Variants in CNTN5 observed in about 807,000 individuals in gnomAD.
CNTN5 encodes the protein contactin-5.
In CNTN5, 77 loss-of-function variants were observed where a neutral mutation model predicts 129.1. The ratio of observed to expected loss-of-function variants is 0.60; its 90% CI spans 0.50 to 0.72. The LOEUF is 0.72. Ranked by LOEUF, CNTN5 falls within the 30% of genes least tolerant of loss-of-function variation. The pLI is 0.00. For missense variants in CNTN5, 1,478 were observed against 1,328.8 expected (o/e 1.11, Z -1.75); for synonymous variants, 509 against 465.6 (o/e 1.09, Z -1.20).
chr11:99,112,588 C>T (rs1038401746), intron 1 of CNTN5, among the ~76,000 whole-genome samples: 7 of 151,958 alleles, frequency 4.6e-5, no homozygotes, highest in Non-Finnish European at 7.4e-5. Context: ...ATGCATTTGC[C>T]ACTCGCCTGA....
chr11:99,733,126 C>A (rs373224400), intron 3 of CNTN5, among the ~76,000 whole-genome samples: 1 of 151,836 alleles, frequency 6.6e-6, no homozygotes, highest in Non-Finnish European at 1.5e-5. Flanking sequence ...GAGTTCGAGA[C>A]AAGCCCGGTC....
rs151111124 is a variant in CNTN5, at chr11:100,108,662, G to A, written c.1580+34368G>A. ...TGTTCTCATACATGCCCTCATTGAT[G>A]CTGCCAGTCCATATTTTTATAATAT... On this transcript the variant is annotated intron_variant, in intron 13 of 24. Coordinates refer to ENST00000524871, the MANE Select transcript of CNTN5 (RefSeq NM_014361.4). Among the ~76,000 whole-genome samples, 811 of 152,078 alleles carry A rather than the reference G, an allele frequency of 5.3e-3. 12 individuals are homozygous for A. Among genetic ancestry groups the A allele is most frequent in the African/African-American group, 0.018 (767 of 41,476 alleles).
At chr11:99,620,516 T>TC (rs1950911330) in intron 3 of CNTN5, among the ~76,000 whole-genome samples, 1 of 137,840 alleles carries the variant, frequency 7.3e-6, no homozygotes, top group Non-Finnish European at 1.7e-5. Context: ...TTCTTTTTTT[T>TC]TTTTTTCTTT....
At chr11:99,995,047 T>C (rs889604390) in intron 8 of CNTN5, among the ~76,000 whole-genome samples, 4 of 152,224 alleles carry the variant, frequency 2.6e-5, no homozygotes, top group Non-Finnish European at 4.4e-5. Context: ...GGTGACATAA[T>C]AGTGCTAACC....
intron 13 of CNTN5, among the ~76,000 whole-genome samples, chr11:100,180,017 C>A (rs1483189809): frequency 1.3e-5 from 2 of 151,902 alleles, no homozygotes; most frequent in Non-Finnish European, 2.9e-5. Flanking sequence ...AAAACTCTTC[C>A]AGAGATTTGA....
At chr11:99,747,694 G>C (rs1253328518) in intron 3 of CNTN5, among the ~76,000 whole-genome samples, 1 of 151,818 alleles carries the variant, frequency 6.6e-6, no homozygotes, top group South Asian at 2.1e-4. Context: ...AGGATGGTTC[G>C]ATCTCCTGAC....
At chr11:99,373,656 T>G (rs960117880) in intron 2 of CNTN5, among the ~76,000 whole-genome samples, 48 of 138,248 alleles carry the variant, frequency 3.5e-4, no homozygotes, top group African/African-American at 1.3e-3. Flanking sequence ...GAGGTTGTAG[T>G]GAGCTGAGAT....
At chr11:99,526,242 T>G (rs10750312) in intron 2 of CNTN5, among the ~76,000 whole-genome samples, 36,324 of 152,016 alleles carry the variant, frequency 0.24, 5,002 homozygotes, top group Non-Finnish European at 0.31. Flanking sequence ...AAGTAGTGTG[T>G]TTTTTCTTTA....
At chr11:100,321,443 G>C (rs903398371) in intron 21 of CNTN5, among the ~76,000 whole-genome samples, 4 of 151,868 alleles carry the variant, frequency 2.6e-5, no homozygotes, top group Non-Finnish European at 4.4e-5. Flanking sequence ...TCATTCCTAA[G>C]AGTTTTTTGG....
rs555477839 is a variant in CNTN5, at chr11:99,786,304, T to C, written c.56-33240T>C. Among the ~76,000 whole-genome samples the C allele has an allele frequency of 2.0e-5, 3 of 152,198 alleles. No individual in the cohort carries two copies. The South Asian group carries it at 6.2e-4, about 32-fold the overall frequency. ...CTAGGAATCCAACTTACAAGGGATGTGAAGGACCTCTTCAAGGAGAACTAC... is the reference window on the plus strand; with the variant it reads ...CTAGGAATCCAACTTACAAGGGATGCGAAGGACCTCTTCAAGGAGAACTAC... On this transcript the variant is annotated intron_variant, in intron 3 of 24. Coordinates refer to ENST00000524871, the MANE Select transcript of CNTN5 (RefSeq NM_014361.4).
intron 12 of CNTN5, among the ~76,000 whole-genome samples, chr11:100,073,586 A>C (rs1031174600): frequency 2.8e-4 from 42 of 152,024 alleles, no homozygotes; most frequent in Non-Finnish European, 5.3e-4. Flanking sequence ...AGTATTTATG[A>C]ATGAATGATC....
At chr11:99,245,601 G>A (rs1591411695) in intron 1 of CNTN5, among the ~76,000 whole-genome samples, 1 of 152,070 alleles carries the variant, frequency 6.6e-6, no homozygotes, top group Non-Finnish European at 1.5e-5. Flanking sequence ...AATTACAGGC[G>A]TGAGCCACAG....
intron 9 of CNTN5, among the ~76,000 whole-genome samples, chr11:100,023,120 A>G (rs895204526): frequency 6.6e-6 from 1 of 152,158 alleles, no homozygotes; most frequent in Non-Finnish European, 1.5e-5. Context: ...GGAAGCTACA[A>G]TTACACATAT....
intron 1 of CNTN5, among the ~76,000 whole-genome samples, chr11:99,230,611 C>A (rs2135727516): frequency 6.6e-6 from 1 of 152,222 alleles, no homozygotes; most frequent in South Asian, 2.1e-4. Context: ...TTTGAGACTG[C>A]AATAGCCTAT....
At chr11:99,298,730 C>T (rs76733339) in intron 1 of CNTN5, among the ~76,000 whole-genome samples, 1 of 151,780 alleles carries the variant, frequency 6.6e-6, no homozygotes, top group Non-Finnish European at 1.5e-5. Flanking sequence ...TGCCTAAATC[C>T]AGCCCAAAAA....
chr11:99,306,659 G>A lies in CNTN5; in HGVS notation c.-209-18687G>A, dbSNP rs1023881649. On this transcript the variant is annotated intron_variant, in intron 1 of 24. Transcript: ENST00000524871. ...TGAGGCAGGAGAATGGCGTGAACCCGGGAGGTGGAGCTTGCAGTGAGCCAA... is the reference window on the plus strand; with the variant it reads ...TGAGGCAGGAGAATGGCGTGAACCCAGGAGGTGGAGCTTGCAGTGAGCCAA... Among the ~76,000 whole-genome samples the A allele has an allele frequency of 4.6e-5, 7 of 151,274 alleles. No individual in the cohort carries two copies. In the South Asian group the frequency reaches 6.2e-4, roughly 13 times the overall value.
intron 3 of CNTN5, among the ~76,000 whole-genome samples, chr11:99,716,493 A>G (rs2134994844): frequency 6.6e-6 from 1 of 152,018 alleles, no homozygotes; most frequent in Middle Eastern, 3.4e-3. Flanking sequence ...TGTTGACATT[A>G]ATCACCTTCT....
intron 10 of CNTN5, 68 bp downstream of exon 10, chr11:100,061,461 T>C (rs374613997): frequency 8.6e-7 from 1 of 1,163,202 alleles, no homozygotes. Flanking sequence ...AAATTAACTT[T>C]AACTAAATAT....
intron 3 of CNTN5, among the ~76,000 whole-genome samples, chr11:99,720,277 C>T (rs1365133579): frequency 6.6e-6 from 1 of 152,122 alleles, no homozygotes; most frequent in Non-Finnish European, 1.5e-5. Context: ...CAAAAATCCT[C>T]AACAAAATAC....
Sources: gnomAD v4.1 joint callset for allele counts (sites outside exome capture counted in the v4.1 genomes callset) on GRCh38, gnomAD v4.1.1 for gene constraint, MANE v1.5 for transcripts, NCBI Gene and HGNC (gene_info 2026-07-23, HGNC 2026-07-21) for gene names.